YARS2: variants seen among roughly 807,000 people sequenced by gnomAD.
YARS2 encodes tyrosyl-tRNA synthetase 2, also known as tyrosine--tRNA ligase, mitochondrial.
A neutral mutation model predicts 45.0 loss-of-function variants in YARS2; 38 were observed. That is an observed-to-expected ratio of 0.84 (90% CI 0.65 to 1.11). The LOEUF is 1.11. Among genes scored for constraint, YARS2 ranks in the 50% least tolerant of loss-of-function variants. The pLI is 0.00. For synonymous variants in YARS2, 287 were observed against 245.1 expected (o/e 1.17, Z -1.60); for missense variants, 602 against 599.8 (o/e 1.00, Z -0.04).
chr12:32,749,940 CGGG>C lies in YARS2; in HGVS notation c.1268_1270del (p.Pro423del). On this transcript the variant is annotated inframe_deletion, in exon 4 of 5. Transcript: ENST00000324868. ...TCTAAAAGTTAAATAATCTTACCCT[CGGG>C]GACCATCTGGAATGGCATTTGCTTT... is the stretch of plus-strand genomic sequence containing the variant. 1.2e-6 allele frequency: 2 copies of C among 1,614,030 alleles called. No homozygotes were observed. Among genetic ancestry groups the C allele is most frequent in the Non-Finnish European group, 1.7e-6 (2 of 1,179,994 alleles).
chr12:32,753,626 A>C (rs1565559629), intron 2 of YARS2, among the ~76,000 whole-genome samples: 2 of 152,204 alleles, frequency 1.3e-5, no homozygotes, highest in Non-Finnish European at 2.9e-5. Flanking sequence ...GTTAAGTTGA[A>C]AGGAGTGAAA....
rs1467179542 is a variant in YARS2, at chr12:32,750,086, G to A, written c.1125C>T (p.His375=). The A allele has an allele frequency of 6.2e-7, 1 of 1,614,082 alleles. No homozygotes were observed. The highest frequency in any genetic ancestry group is 1.1e-5 in the South Asian group (1 of 91,082). Residue 375 remains histidine, a synonymous_variant, in exon 4 of 5, where the codon CAC becomes CAT. Coordinates refer to ENST00000324868, the MANE Select transcript of YARS2 (RefSeq NM_001040436.3). ...SAKRCTQALY[H]SSIDALEVMS... ...TGACCTCCAGTGCATCTATGCTACT[G>A]TGATAAAGGGCTTGTGTACACCTGA... is the stretch of plus-strand genomic sequence containing the variant.
chr12:32,747,401 A>G (rs762734051), intron 4 of YARS2, 38 bp from the exon 5 acceptor site: 3 of 1,598,732 alleles, frequency 1.9e-6, no homozygotes, highest in South Asian at 1.1e-5. Context: ...GAGAGATCCA[A>G]TCACTGTTGA....
rs1955822418 is a variant in YARS2, at chr12:32,755,100, T to TACA, written c.774_775insTGT (p.Ile258_Asn259insCys). The TACA allele has an allele frequency of 6.2e-7, 1 of 1,614,042 alleles. No individual in the cohort carries two copies. Among genetic ancestry groups the TACA allele is most frequent in the Non-Finnish European group, 8.5e-7 (1 of 1,180,030 alleles). ...CCAAGGTTTAAAGGCACTTACTTGT[T>TACA]GATGAACTCATATCCGGACATGATG... On this transcript the variant is annotated inframe_insertion, in exon 1 of 5. Coordinates refer to ENST00000324868, the MANE Select transcript of YARS2 (RefSeq NM_001040436.3).
At chr12:32,753,815 C>G in intron 2 of YARS2, 103 bp downstream of exon 2, 2 of 1,462,020 alleles carry the variant, frequency 1.4e-6, no homozygotes, top group Admixed American at 1.7e-5. Context: ...ACAGAAACTA[C>G]GTTAAAAACA....
rs1159651127 is a variant in YARS2 at position 32,755,492 on chromosome 12, TC to T, written c.382del (p.Glu128AsnfsTer19). The part of the protein sequence containing the change: ...RLGDPSGRTK[E>X]REALETERVR... ...GCGCTCTGTCTCCAGCGCCTCGCGT[TC>T]CTTGGTACGGCCGCTCGGGTCTCCC... On this transcript the variant is annotated frameshift_variant, in exon 1 of 5. Coordinates refer to ENST00000324868, the MANE Select transcript of YARS2 (RefSeq NM_001040436.3). LOFTEE classifies it high-confidence loss of function. 7 of 1,612,486 alleles carry T rather than the reference TC, an allele frequency of 4.3e-6. No individual in the cohort carries two copies. The East Asian group carries it at 1.6e-4, about 36-fold the overall frequency.
intron 4 of YARS2, among the ~76,000 whole-genome samples, chr12:32,747,609 T>G (rs982191101): frequency 3.1e-4 from 47 of 152,352 alleles, no homozygotes; most frequent in African/African-American, 1.1e-3. Flanking sequence ...TGATCTCAGC[T>G]CACTGCAACC....
intron 4 of YARS2, 42 bp from the exon 5 acceptor site, chr12:32,747,405 CTG>C (rs1375959303): frequency 2.5e-6 from 4 of 1,595,368 alleles, no homozygotes; most frequent in East Asian, 4.5e-5. Context: ...GATCCAATCA[CTG>C]TTGATCTGTC....
At chr12:32,750,614 G>T in intron 3 of YARS2, 105 bp downstream of exon 3, 1 of 1,450,210 alleles carries the variant, frequency 6.9e-7, no homozygotes, top group Non-Finnish European at 9.5e-7. Context: ...AATACTGACA[G>T]TCCTTGTGAT....
At chr12:32,754,711 C>CTTTTTT (rs755897245) in intron 1 of YARS2, among the ~76,000 whole-genome samples, 17 of 126,724 alleles carry the variant, frequency 1.3e-4, no homozygotes, top group South Asian at 5.2e-4. Flanking sequence ...GTCTGTTTCC[C>CTTTTTT]TTTTTTTTTT....
chr12:32,755,846 G>A lies in YARS2; in HGVS notation c.29C>T (p.Ser10Phe), dbSNP rs142999358. Residue 10 changes from serine to phenylalanine, a missense_variant, in exon 1 of 5, where the codon TCC (serine) becomes TTC (phenylalanine). Coordinates refer to ENST00000324868, the MANE Select transcript of YARS2 (RefSeq NM_001040436.3). MAAPILRSF[S>F]WGRWSGTLNL... ...TAGGGTACCAGACCACCGGCCCCAG[G>A]AAAAGGACCGCAAGATGGGCGCCGC... 4.3e-6 allele frequency: 7 copies of A among 1,613,210 alleles called. No homozygotes were observed. The Admixed American group carries it at 6.7e-5, about 15-fold the overall frequency.
rs200451539 is a variant in YARS2, at chr12:32,755,146, G to A, written c.729C>T (p.Gly243=). The A allele has an allele frequency of 6.2e-7, 1 of 1,614,166 alleles. No homozygotes were observed. Among genetic ancestry groups the A allele is most frequent in the South Asian group, 1.1e-5 (1 of 91,082 alleles). The part of the protein sequence containing the change: ...FQRYGCRVQL[G]GSDQLGNIMS... ...TGATGTTGCCTAGTTGATCAGATCCGCCCAGCTGGACCCTGCATCCATAAC... is the reference window on the plus strand; with the variant it reads ...TGATGTTGCCTAGTTGATCAGATCCACCCAGCTGGACCCTGCATCCATAAC... Residue 243 remains glycine, a synonymous_variant, in exon 1 of 5, where the codon GGC becomes GGT. Transcript: ENST00000324868.
intron 4 of YARS2, among the ~76,000 whole-genome samples, chr12:32,747,972 C>T (rs1955674520): frequency 6.6e-6 from 1 of 152,098 alleles, no homozygotes; most frequent in Non-Finnish European, 1.5e-5. Flanking sequence ...GATACTTAAA[C>T]TGGGAGTGAA....
In YARS2 at chr12:32,747,205, C is replaced by T. The variant is rs761782969; in HGVS notation, c.1433G>A (p.Ter478=). ...NFYIIKWLQL[*] ...TTGGACAACCAGAAGGACTTTTCAT[C>T]ACAACTGAAGCCATTTTATAATGTA... Residue 478 remains the stop codon, a stop_retained_variant, in exon 5 of 5, where the codon TGA becomes TAA. Coordinates refer to ENST00000324868, the MANE Select transcript of YARS2 (RefSeq NM_001040436.3). The T allele has an allele frequency of 5.6e-6, 9 of 1,612,160 alleles. No individual in the cohort carries two copies. The highest frequency in any genetic ancestry group is 6.8e-6 in the Non-Finnish European group (8 of 1,179,854).
Position 32,746,722 on chromosome 12 carries a change from G to C in YARS2, c.*482C>G, listed in dbSNP as rs2137641641. On this transcript the variant is annotated 3_prime_UTR_variant, in exon 5 of 5. Coordinates refer to ENST00000324868, the MANE Select transcript of YARS2 (RefSeq NM_001040436.3). The stretch of plus-strand genomic sequence containing the variant: ...CTGGCTAATTTTTATATTTTCAGTA[G>C]AGACGGGGTTTCGCCCTGTTGGCCA... The C allele has an allele frequency of 6.2e-6, 1 of 160,676 alleles. No homozygotes were observed. Among genetic ancestry groups the C allele is most frequent in the Admixed American group, 6.2e-5 (1 of 16,200 alleles). The allele number at this position is 160,676 out of a possible 1,614,324, so 10.0% of individuals were successfully genotyped here. A position where few individuals can be genotyped will look rare whatever the true frequency, so the allele number is the denominator to read the frequency against.
rs913857213 is a variant in YARS2, at chr12:32,755,384, G to C, written c.491C>G (p.Ser164Cys). 6.2e-6 allele frequency: 10 copies of C among 1,613,844 alleles called. No individual in the cohort carries two copies. The Admixed American group carries it at 1.2e-4, about 19-fold the overall frequency. The change falls in exon 1 of 5, where the codon TCC (serine) becomes TGC (cysteine). Residue 164 changes from serine (S) to cysteine (C), a missense_variant. By Grantham distance (112) the Ser-to-Cys change is moderately radical. Coordinates refer to ENST00000324868, the MANE Select transcript of YARS2 (RefSeq NM_001040436.3). ...GTCCAGCACAGTGAAGCTGCCCCAG[G>C]AGCGCCCATCAGTGAAAAGCTGCTG... Reference protein sequence around the residue: ...NHQQLFTDGRSWGSFTVLDNS... With the variant: ...NHQQLFTDGRCWGSFTVLDNS...
intron 2 of YARS2, chr12:32,752,803 T>C: frequency 3.0e-6 from 1 of 338,776 alleles, no homozygotes; most frequent in Non-Finnish European, 5.8e-6. Flanking sequence ...CCCAGGACTA[T>C]ATCGTCAAAC....
At chr12:32,750,935 C>T in intron 2 of YARS2, 61 bp from the exon 3 acceptor site, 1 of 1,583,988 alleles carries the variant, frequency 6.3e-7, no homozygotes. Context: ...ATCTCCAGCT[C>T]TTCTACCCTT....
chr12:32,755,800 G>A lies in YARS2; in HGVS notation c.75C>T (p.Pro25=). Residue 25 remains proline (P), a synonymous_variant, in exon 1 of 5, where the codon CCC becomes CCT. Coordinates refer to ENST00000324868, the MANE Select transcript of YARS2 (RefSeq NM_001040436.3). ...CCGAGTGGGCCTTACGCAGCCCCAA[G>A]GGCAACAATACTGAGAGATTTAGGG... ...SGTLNLSVLL[P]LGLRKAHSGA... 1 of 1,613,820 alleles carries A rather than the reference G, an allele frequency of 6.2e-7. No homozygotes were observed. The highest frequency in any genetic ancestry group is 1.1e-5 in the South Asian group (1 of 91,084).
Sources: allele counts gnomAD v4.1 joint callset (sites outside exome capture counted in the v4.1 genomes callset), GRCh38; gene constraint gnomAD v4.1.1; transcripts MANE v1.5; gene names NCBI Gene and HGNC (gene_info 2026-07-23, HGNC 2026-07-21).